Variants in IL1RAPL1 observed in about 807,000 individuals in gnomAD.
IL1RAPL1 encodes the protein interleukin-1 receptor accessory protein-like 1.
IL1RAPL1 carries 3 observed loss-of-function variants against 48.4 expected under a neutral mutation model. The ratio of observed to expected loss-of-function variants is 0.06; its 90% confidence interval spans 0.03 to 0.16. IL1RAPL1 has a LOEUF of 0.16. Among genes scored for constraint, IL1RAPL1 ranks in the 10% least tolerant of loss-of-function variants. The pLI is 1.00. For missense variants in IL1RAPL1, 349 were observed against 530.6 expected, an observed-to-expected ratio of 0.66 and a Z score of 3.36; for synonymous variants, 185 against 187.7, an observed-to-expected ratio of 0.99 and a Z score of 0.12.
intron 2 of IL1RAPL1, among the ~76,000 whole-genome samples, chrX:29,117,231 G>T (rs1928695298): frequency 9.0e-6 from 1 of 111,681 alleles, no homozygotes. Flanking sequence ...AGTGACAAGG[G>T]ATTGTAGCAA....
At chrX:28,971,846 G>T (rs1429630952) in intron 2 of IL1RAPL1, among the ~76,000 whole-genome samples, 2 of 105,820 alleles carry the variant, frequency 1.9e-5, no homozygotes, top group Non-Finnish European at 3.9e-5. Context: ...GCCAACATGG[G>T]TGGAGACAGA....
At chrX:29,413,538 T>C (rs1295783796) in intron 5 of IL1RAPL1, among the ~76,000 whole-genome samples, 2 of 93,551 alleles carry the variant, frequency 2.1e-5, no homozygotes, top group Non-Finnish European at 4.1e-5. Flanking sequence ...CGGTGTGTGA[T>C]GTTCCCCTTC....
chrX:29,906,260 G>C (rs1011403304), intron 6 of IL1RAPL1, among the ~76,000 whole-genome samples: 1 of 103,198 alleles, frequency 9.7e-6, no homozygotes, highest in South Asian at 4.7e-4. Context: ...GCGTGAACCC[G>C]GGAGGCGGAG....
intron 2 of IL1RAPL1, among the ~76,000 whole-genome samples, chrX:28,875,136 A>G (rs1922334176): frequency 8.9e-6 from 1 of 112,210 alleles, no homozygotes; most frequent in Non-Finnish European, 1.9e-5. Flanking sequence ...GTTGATTAAA[A>G]TTATGAATAA....
At chrX:28,853,895 G>A (rs1330553056) in intron 2 of IL1RAPL1, among the ~76,000 whole-genome samples, 2 of 111,671 alleles carry the variant, frequency 1.8e-5, no homozygotes, top group East Asian at 5.7e-4. Flanking sequence ...TGGTTATGAG[G>A]AAAGTTTTAA....
intron 5 of IL1RAPL1, among the ~76,000 whole-genome samples, chrX:29,586,627 G>C (rs1225525344): frequency 9.0e-6 from 1 of 110,993 alleles, no homozygotes; most frequent in Non-Finnish European, 1.9e-5. Context: ...GATTGCTTTG[G>C]GTAGTATGAA....
intron 2 of IL1RAPL1, among the ~76,000 whole-genome samples, chrX:29,043,101 G>A (rs895202415): frequency 1.8e-5 from 2 of 111,384 alleles, no homozygotes; most frequent in Admixed American, 1.9e-4. Context: ...TCCATCTGAG[G>A]CATGATATTA....
At chrX:28,588,206 A>ATGTGTGTGTG (rs768348078) in intron 1 of IL1RAPL1, among the ~76,000 whole-genome samples, 159 bp downstream of exon 1, 50 of 49,955 alleles carry the variant, frequency 1.0e-3, no homozygotes, top group Non-Finnish European at 1.6e-3. Context: ...GTGTGTTGAT[A>ATGTGTGTGTG]TGTGTGTGTG....
At chrX:28,807,309 CTT>C (rs1936744276) in intron 2 of IL1RAPL1, among the ~76,000 whole-genome samples, 1 of 110,840 alleles carries the variant, frequency 9.0e-6, no homozygotes, top group Non-Finnish European at 1.9e-5. Flanking sequence ...CTTGTATTCC[CTT>C]TTGCTTTACC....
At chrX:28,663,841 G>A (rs1281712550) in intron 1 of IL1RAPL1, among the ~76,000 whole-genome samples, 1 of 112,073 alleles carries the variant, frequency 8.9e-6, no homozygotes, top group Non-Finnish European at 1.9e-5. Flanking sequence ...ATTAAAAGAA[G>A]CATTATCAAC....
intron 2 of IL1RAPL1, among the ~76,000 whole-genome samples, chrX:28,926,775 C>G (rs1923753656): frequency 9.0e-6 from 1 of 111,666 alleles, no homozygotes; most frequent in South Asian, 3.7e-4. Flanking sequence ...ACCTCCCTCT[C>G]ACAACAGTTA....
chrX:28,931,776 G>C lies in IL1RAPL1; in HGVS notation c.82+142351G>C, dbSNP rs6630794. Among the ~76,000 whole-genome samples the C allele has an allele frequency of 2.2e-3, 247 of 111,312 alleles. 7 individuals are homozygous for C. The East Asian group carries it at 0.062, about 28-fold the overall frequency. On this transcript the variant is annotated intron_variant, in intron 2 of 10. Transcript: ENST00000378993. Reference sequence around the variant, plus strand: ...AAATAGGCCAGGTGCGGTGGCTCACGCCTGTAATCCCAGCACTTTGGGAGG... The same window carrying C: ...AAATAGGCCAGGTGCGGTGGCTCACCCCTGTAATCCCAGCACTTTGGGAGG...
intron 5 of IL1RAPL1, among the ~76,000 whole-genome samples, chrX:29,606,961 AT>A (rs1923912305): frequency 1.8e-5 from 2 of 111,822 alleles, no homozygotes; most frequent in Non-Finnish European, 3.8e-5. Context: ...TACATTTTTA[AT>A]GAATGAAATA....
chrX:29,404,088 A>G (rs761163894), intron 5 of IL1RAPL1, among the ~76,000 whole-genome samples: 1 of 112,004 alleles, frequency 8.9e-6, no homozygotes, highest in Non-Finnish European at 1.9e-5. Context: ...ATTTGCATAC[A>G]TTAAGGTTTT....
At chrX:29,668,568 T>A (rs1203458625) in intron 6 of IL1RAPL1, 64 bp downstream of exon 6, 3 of 813,887 alleles carry the variant, frequency 3.7e-6, no homozygotes, top group African/African-American at 4.1e-5. Context: ...TTAATAAGCC[T>A]AGATTGTAAC....
chrX:29,618,063 A>G (rs1252933506), intron 5 of IL1RAPL1, among the ~76,000 whole-genome samples: 1 of 112,014 alleles, frequency 8.9e-6, no homozygotes, highest in Non-Finnish European at 1.9e-5. Context: ...AATTTCCCAA[A>G]GAATACTGCA....
intron 3 of IL1RAPL1, among the ~76,000 whole-genome samples, chrX:29,334,237 C>A (rs1932939847): frequency 1.5e-5 from 1 of 67,183 alleles, no homozygotes; most frequent in Non-Finnish European, 2.9e-5. Context: ...GGCGGCTGGC[C>A]GGGCAGAGGG....
At chrX:29,135,637 C>A (rs1234167147) in intron 2 of IL1RAPL1, among the ~76,000 whole-genome samples, 1 of 112,190 alleles carries the variant, frequency 8.9e-6, no homozygotes, top group East Asian at 2.8e-4. Flanking sequence ...TAGTAGCATG[C>A]CTCTTTGTAA....
intron 2 of IL1RAPL1, among the ~76,000 whole-genome samples, chrX:29,126,777 A>T (rs1928907664): frequency 1.8e-5 from 2 of 112,103 alleles, no homozygotes; most frequent in Admixed American, 9.5e-5. Context: ...CATTGCTTGG[A>T]TCTATTGAGT....
Sources: gnomAD v4.1 joint callset for allele counts (sites outside exome capture counted in the v4.1 genomes callset) on GRCh38, gnomAD v4.1.1 for gene constraint, MANE v1.5 for transcripts, NCBI Gene and HGNC (gene_info 2026-07-23, HGNC 2026-07-21) for gene names.